RBPMS: variants seen among roughly 807,000 people sequenced by gnomAD.
RBPMS encodes RNA-binding protein with multiple splicing.
RBPMS carries 7 observed loss-of-function variants against 26.8 expected under a neutral mutation model. The observed-to-expected ratio is 0.26, with a 90% CI of 0.15 to 0.49. The LOEUF is 0.49. RBPMS is among the 20% of genes least tolerant of loss of function. RBPMS has a pLI of 0.98. For missense variants in RBPMS, 186 were observed against 250.0 expected, an observed-to-expected ratio of 0.74 and a Z score of 1.73; for synonymous variants, 96 against 93.3, an observed-to-expected ratio of 1.03 and a Z score of -0.17.
intron 4 of RBPMS, among the ~76,000 whole-genome samples, chr8:30,503,551 G>A (rs1213579502): frequency 3.3e-5 from 5 of 151,790 alleles, no homozygotes; most frequent in Admixed American, 1.3e-4. Flanking sequence ...GAGCCACAAC[G>A]CCCTGCCTGC....
intron 1 of RBPMS, among the ~76,000 whole-genome samples, chr8:30,437,977 AGTT>A (rs1444635391): frequency 1.3e-5 from 2 of 152,080 alleles, no homozygotes; most frequent in African/African-American, 2.4e-5. Context: ...AAAAAAAAAA[AGTT>A]GTTATTTTTA....
intron 1 of RBPMS, among the ~76,000 whole-genome samples, chr8:30,469,380 G>C (rs989708277): frequency 1.3e-5 from 2 of 152,194 alleles, no homozygotes; most frequent in African/African-American, 2.4e-5. Context: ...TTAAGAACAC[G>C]TGGCCAGTTT....
chr8:30,540,269 T>G (rs1291617766), intron 5 of RBPMS, among the ~76,000 whole-genome samples: 1 of 151,954 alleles, frequency 6.6e-6, no homozygotes, highest in East Asian at 1.9e-4. Flanking sequence ...GCAATGGAAG[T>G]GACTGATCCC....
rs1298441943 is a variant in RBPMS, at chr8:30,549,795, T to TCTCTCTCTCTCTCTCTCC, written c.528+5172_528+5173insTCTCTCTCTCTCTCTCCC. Among the ~76,000 whole-genome samples, 35 of 100,712 alleles carry TCTCTCTCTCTCTCTCTCC rather than the reference T, an allele frequency of 3.5e-4. 1 individual carries two copies. Among genetic ancestry groups the TCTCTCTCTCTCTCTCTCC allele is most frequent in the African/African-American group, 1.5e-3 (31 of 20,976 alleles). The allele number at this position is 100,712 out of a possible 152,430, so 66.1% of individuals were successfully genotyped here. The stretch of plus-strand genomic sequence containing the variant: ...TCTTCTCTCTCTCTCTCTCTCTCTC[T>TCTCTCTCTCTCTCTCTCC]CCCCTCTCTCCTCTCTCTCTCTCTC... On this transcript the variant is annotated intron_variant, in intron 6 of 8. Coordinates refer to ENST00000397323, the MANE Select transcript of RBPMS (RefSeq NM_001008710.3).
At chr8:30,465,658 G>A (rs1341917897) in intron 1 of RBPMS, among the ~76,000 whole-genome samples, 2 of 152,186 alleles carry the variant, frequency 1.3e-5, no homozygotes, top group Admixed American at 6.5e-5. Context: ...GTGATGGCAG[G>A]CGCCTGTAAT....
chr8:30,413,992 T>C (rs1809763708), intron 1 of RBPMS, among the ~76,000 whole-genome samples: 1 of 152,224 alleles, frequency 6.6e-6, no homozygotes, highest in Non-Finnish European at 1.5e-5. Context: ...TCCGCCCACC[T>C]CAGCCTCCCA....
At chr8:30,424,317 T>A (rs1460463318) in intron 1 of RBPMS, among the ~76,000 whole-genome samples, 1 of 152,214 alleles carries the variant, frequency 6.6e-6, no homozygotes, top group Non-Finnish European at 1.5e-5. Context: ...AACATAGAGT[T>A]GCATATGGAT....
chr8:30,529,592 G>A (rs189352386), intron 5 of RBPMS, among the ~76,000 whole-genome samples: 16 of 152,142 alleles, frequency 1.1e-4, no homozygotes, highest in East Asian at 7.7e-4. Context: ...TCACCTGGTA[G>A]CTGAAAATCT....
chr8:30,534,247 C>T (rs1447925638), intron 5 of RBPMS, among the ~76,000 whole-genome samples: 1 of 152,154 alleles, frequency 6.6e-6, no homozygotes, highest in South Asian at 2.1e-4. Context: ...AGATTTGTAT[C>T]CCTCTACCTA....
At chr8:30,442,076 C>G (rs1183742793) in intron 1 of RBPMS, among the ~76,000 whole-genome samples, 1 of 152,182 alleles carries the variant, frequency 6.6e-6, no homozygotes, top group East Asian at 1.9e-4. Context: ...GTATGAGCCA[C>G]CGCGCCCGGC....
intron 1 of RBPMS, among the ~76,000 whole-genome samples, chr8:30,423,711 T>TAA (rs1811056390): frequency 6.6e-6 from 1 of 152,094 alleles, no homozygotes; most frequent in Admixed American, 6.5e-5. Flanking sequence ...TTTTCAGAGA[T>TAA]AAGTAGTCAC....
intron 5 of RBPMS, among the ~76,000 whole-genome samples, chr8:30,516,233 A>G (rs1462267316): frequency 6.6e-6 from 1 of 152,176 alleles, no homozygotes. Flanking sequence ...TACAAAAATT[A>G]GCCGGCTGTG....
chr8:30,465,660 G>A (rs112970055), intron 1 of RBPMS, among the ~76,000 whole-genome samples: 1,852 of 152,308 alleles, frequency 0.012, 39 homozygotes, highest in African/African-American at 0.04. Flanking sequence ...GATGGCAGGC[G>A]CCTGTAATCC....
chr8:30,462,828 G>T (rs186766939), intron 1 of RBPMS, among the ~76,000 whole-genome samples: 45 of 152,212 alleles, frequency 3.0e-4, no homozygotes, highest in Admixed American at 1.8e-3. Context: ...TCTAAGAAAT[G>T]GATTTTGGAA....
intron 5 of RBPMS, among the ~76,000 whole-genome samples, chr8:30,516,710 A>G (rs1234778629): frequency 6.6e-6 from 1 of 152,230 alleles, no homozygotes; most frequent in Non-Finnish European, 1.5e-5. Context: ...GATTTAAGGC[A>G]TTCCAAAAAC....
intron 6 of RBPMS, among the ~76,000 whole-genome samples, chr8:30,549,742 C>CTTTCCT (rs139991132): frequency 0.22 from 31,497 of 143,410 alleles, 3,842 homozygotes; most frequent in East Asian, 0.39. Context: ...TTCTTTCTTT[C>CTTTCCT]TTTCTTTCCT....
intron 5 of RBPMS, among the ~76,000 whole-genome samples, chr8:30,536,742 C>T (rs1824846634): frequency 6.6e-6 from 1 of 151,986 alleles, no homozygotes; most frequent in Non-Finnish European, 1.5e-5. Flanking sequence ...ATTTATTTTC[C>T]TTCCTTTTCT....
chr8:30,431,688 T>C (rs1024985272), intron 1 of RBPMS, among the ~76,000 whole-genome samples: 1 of 152,106 alleles, frequency 6.6e-6, no homozygotes, highest in East Asian at 1.9e-4. Context: ...AGACCTCAGG[T>C]GATCCGGCCT....
At chr8:30,549,773 T>C (rs1239732229) in intron 6 of RBPMS, among the ~76,000 whole-genome samples, 1 of 27,136 alleles carries the variant, frequency 3.7e-5, no homozygotes, top group Non-Finnish European at 7.6e-5. Flanking sequence ...TTTCTTTTCT[T>C]CTCTCTCTCT....
Sources: gnomAD v4.1 joint callset for allele counts (sites outside exome capture counted in the v4.1 genomes callset) on GRCh38, gnomAD v4.1.1 for gene constraint, MANE v1.5 for transcripts, NCBI Gene and HGNC (gene_info 2026-07-23, HGNC 2026-07-21) for gene names.